The following AGBL4 variants were observed in gnomAD, a reference collection of about 807,000 sequenced individuals.
The protein encoded by AGBL4 is AGBL carboxypeptidase 4, also known as cytosolic carboxypeptidase 6.
In AGBL4, 58 loss-of-function variants were observed where a neutral mutation model predicts 66.4. That is an observed-to-expected ratio of 0.87 (90% CI 0.71 to 1.09). The LOEUF (loss-of-function observed/expected upper bound fraction) is 1.09, where lower values mean the gene tolerates loss of function less well. Among genes scored for constraint, AGBL4 ranks in the 50% least tolerant of loss-of-function variants. The pLI, the probability that AGBL4 is intolerant of heterozygous loss-of-function variation, is 0.00. For synonymous variants in AGBL4, 234 were observed against 222.9 expected, an observed-to-expected ratio of 1.05 and a Z score of -0.44; for missense variants, 579 against 631.0, an observed-to-expected ratio of 0.92 and a Z score of 0.88.
intron 3 of AGBL4, among the ~76,000 whole-genome samples, chr1:49,605,244 C>T (rs1011958096): frequency 1.3e-5 from 2 of 152,040 alleles, no homozygotes; most frequent in African/African-American, 4.8e-5. Context: ...AGAGAATAAA[C>T]AAGGACAAAG....
intron 3 of AGBL4, among the ~76,000 whole-genome samples, chr1:49,283,059 C>T (rs550328027): frequency 1.3e-5 from 2 of 152,368 alleles, no homozygotes; most frequent in South Asian, 4.1e-4. Context: ...GGCTCCACCT[C>T]TGGGGGCAGG....
intron 3 of AGBL4, among the ~76,000 whole-genome samples, chr1:49,260,730 C>T (rs1653059918): frequency 6.6e-6 from 1 of 152,048 alleles, no homozygotes; most frequent in Non-Finnish European, 1.5e-5. Context: ...ACCAGAGGTA[C>T]AAGGAGGAAC....
At chr1:49,146,080 A>T (rs571444674) in intron 4 of AGBL4, among the ~76,000 whole-genome samples, 1 of 152,312 alleles carries the variant, frequency 6.6e-6, no homozygotes, top group African/African-American at 2.4e-5. Flanking sequence ...ATGGAGATAG[A>T]GTTATCAGAA....
At chr1:48,889,990 G>A (rs201368148) in intron 5 of AGBL4, among the ~76,000 whole-genome samples, 2 of 7,730 alleles carry the variant, frequency 2.6e-4, no homozygotes, top group East Asian at 7.4e-3. Context: ...GCCTGCTTGC[G>A]TGTGTGTGTG....
At position 48,638,129 on chromosome 1, in the gene AGBL4, C is replaced by T. The variant is rs1287126860; in HGVS notation, c.840-3525G>A. Among the ~76,000 whole-genome samples, 6 of 152,330 alleles carry T rather than the reference C, an allele frequency of 3.9e-5. No homozygotes were observed. The East Asian group carries it at 9.7e-4, about 25-fold the overall frequency. ...TAGGATACCTCTATGACCTAAAACTCACCACCTTTCCAGTTAGCTTATCTC... is the reference window on the plus strand; with the variant it reads ...TAGGATACCTCTATGACCTAAAACTTACCACCTTTCCAGTTAGCTTATCTC... On this transcript the variant is annotated intron_variant, in intron 8 of 13. Transcript: ENST00000371839.
intron 3 of AGBL4, among the ~76,000 whole-genome samples, chr1:49,690,595 T>C (rs1199451293): frequency 1.3e-5 from 2 of 152,176 alleles, no homozygotes; most frequent in African/African-American, 2.4e-5. Flanking sequence ...TGGTACTTAC[T>C]TCAAAGAATT....
At chr1:48,831,001 T>A (rs1225606812) in intron 6 of AGBL4, among the ~76,000 whole-genome samples, 1 of 152,282 alleles carries the variant, frequency 6.6e-6, no homozygotes, top group South Asian at 2.1e-4. Flanking sequence ...GGTTATATAA[T>A]GTCAGGTAGC....
chr1:49,496,491 A>ATT (rs903643294), intron 3 of AGBL4, among the ~76,000 whole-genome samples: 4 of 151,702 alleles, frequency 2.6e-5, no homozygotes. Context: ...CCTAACCGAA[A>ATT]TTTTGTATCC....
intron 9 of AGBL4, among the ~76,000 whole-genome samples, chr1:48,616,829 T>C (rs1450862148): frequency 6.6e-6 from 1 of 152,270 alleles, no homozygotes; most frequent in Non-Finnish European, 1.5e-5. Context: ...AGGAGGCCTT[T>C]GCCTCTGCAG....
intron 2 of AGBL4, among the ~76,000 whole-genome samples, chr1:49,722,142 T>C (rs1403244312): frequency 1.3e-5 from 2 of 152,206 alleles, no homozygotes; most frequent in East Asian, 3.8e-4. Context: ...AGCAAGCCTG[T>C]ACTTCTTCAA....
chr1:49,913,161 C>A (rs138740359), intron 1 of AGBL4, among the ~76,000 whole-genome samples: 1 of 152,256 alleles, frequency 6.6e-6, no homozygotes, highest in East Asian at 1.9e-4. Context: ...GGTCTAAAGT[C>A]TCATAGAAAT....
chr1:49,365,592 T>C (rs1163749237), intron 3 of AGBL4, among the ~76,000 whole-genome samples: 1 of 151,666 alleles, frequency 6.6e-6, no homozygotes, highest in African/African-American at 2.4e-5. Context: ...ATTATCATTA[T>C]AATTTAGCCC....
chr1:48,527,799 C>A, the AGBL4 span, among the ~76,000 whole-genome samples: 3 of 152,014 alleles, frequency 2.0e-5, no homozygotes, highest in Non-Finnish European at 4.4e-5. Context: ...GCAGGAATAA[C>A]CAGTGGGATT....
chr1:49,825,978 G>C (rs550557079), intron 2 of AGBL4, among the ~76,000 whole-genome samples: 32 of 151,722 alleles, frequency 2.1e-4, no homozygotes, highest in African/African-American at 7.7e-4. Context: ...CTTACAACCA[G>C]AACTGTTTGT....
intron 2 of AGBL4, among the ~76,000 whole-genome samples, chr1:49,819,611 A>G (rs1427023451): frequency 2.0e-5 from 3 of 152,170 alleles, no homozygotes; most frequent in Non-Finnish European, 4.4e-5. Context: ...ACTGTTTTAT[A>G]AGATAATTTA....
intron 3 of AGBL4, among the ~76,000 whole-genome samples, chr1:49,353,743 G>A (rs1643959267): frequency 6.6e-6 from 1 of 152,118 alleles, no homozygotes; most frequent in Admixed American, 6.5e-5. Flanking sequence ...GCAGAAGAGT[G>A]GCAGGCGGCA....
chr1:49,803,064 A>G (rs1644900706), intron 2 of AGBL4, among the ~76,000 whole-genome samples: 1 of 150,746 alleles, frequency 6.6e-6, no homozygotes, highest in Admixed American at 6.6e-5. Flanking sequence ...TAAGTTATAT[A>G]TGTATTATAT....
chr1:49,892,151 T>C (rs1276697024), intron 1 of AGBL4, among the ~76,000 whole-genome samples: 1 of 152,144 alleles, frequency 6.6e-6, no homozygotes, highest in Non-Finnish European at 1.5e-5. Context: ...CACCAACAAA[T>C]AGTATCTTCT....
intron 2 of AGBL4, among the ~76,000 whole-genome samples, chr1:49,742,188 G>A (rs1404997318): frequency 1.3e-5 from 2 of 150,920 alleles, no homozygotes; most frequent in African/African-American, 4.8e-5. Context: ...AAGCTGATAA[G>A]CAACTTCAGC....
Sources: allele counts gnomAD v4.1 joint callset (sites outside exome capture counted in the v4.1 genomes callset), GRCh38; gene constraint gnomAD v4.1.1; transcripts MANE v1.5; gene names NCBI Gene and HGNC (gene_info 2026-07-23, HGNC 2026-07-21).